The following KIRREL3 variants were observed in gnomAD, a reference collection of about 807,000 sequenced individuals.
KIRREL3 encodes kirre like nephrin family adhesion molecule 3, also known as kin of IRRE-like protein 3.
KIRREL3 carries 36 observed loss-of-function variants against 89.7 expected under a neutral mutation model. That is an observed-to-expected ratio of 0.40 (90% CI 0.31 to 0.53). The LOEUF (loss-of-function observed/expected upper bound fraction) is 0.53. Ranked by LOEUF, KIRREL3 falls within the 20% of genes least tolerant of loss-of-function variation. The pLI, the probability that KIRREL3 is intolerant of heterozygous loss-of-function variation, is 0.49. For missense variants in KIRREL3, 864 were observed against 1,056.6 expected (o/e 0.82, Z 2.53); for synonymous variants, 445 against 441.4 (o/e 1.01, Z -0.10).
intron 1 of KIRREL3, among the ~76,000 whole-genome samples, chr11:126,829,112 G>A (rs907716684): frequency 3.9e-5 from 6 of 152,212 alleles, no homozygotes; most frequent in African/African-American, 1.4e-4. Flanking sequence ...TTTGCATGAA[G>A]GCTGAGGGGA....
At chr11:126,845,762 T>C (rs546324910) in intron 1 of KIRREL3, among the ~76,000 whole-genome samples, 1 of 152,292 alleles carries the variant, frequency 6.6e-6, no homozygotes, top group Admixed American at 6.5e-5. Flanking sequence ...TTTTCCTTTT[T>C]CTGAGCAAAG....
At position 126,503,487 on chromosome 11, in the gene KIRREL3, A is replaced by T. The variant is rs76212707; in HGVS notation, c.433+17828T>A. On this transcript the variant is annotated intron_variant, in intron 4 of 16. Transcript: ENST00000525144. ...AGGCAAGTCTCCAGTGTGGTATAAA[A>T]AACATTTGGGTAGCCCTAGCTTTAC... Among the ~76,000 whole-genome samples the T allele has an allele frequency of 1.4e-3, 208 of 152,266 alleles. 2 individuals carry two copies. Among genetic ancestry groups the T allele is most frequent in the African/African-American group, 4.7e-3 (196 of 41,554 alleles).
chr11:126,746,150 G>T (rs991028567), intron 1 of KIRREL3, among the ~76,000 whole-genome samples: 1 of 152,112 alleles, frequency 6.6e-6, no homozygotes, highest in Non-Finnish European at 1.5e-5. Context: ...TCTTAATTTT[G>T]TCTACATTCC....
chr11:126,547,301 T>C (rs1406090999), intron 2 of KIRREL3, among the ~76,000 whole-genome samples: 2 of 152,260 alleles, frequency 1.3e-5, no homozygotes, highest in African/African-American at 4.8e-5. Flanking sequence ...TGGCTTACCA[T>C]GGCCTTTGGT....
At chr11:126,673,049 C>T (rs1270287354) in intron 1 of KIRREL3, among the ~76,000 whole-genome samples, 5 of 152,184 alleles carry the variant, frequency 3.3e-5, no homozygotes, top group Non-Finnish European at 5.9e-5. Flanking sequence ...CAGAAATGGT[C>T]CCCCAGTGTA....
At chr11:126,586,702 A>G (rs1484462651) in intron 1 of KIRREL3, among the ~76,000 whole-genome samples, 1 of 152,062 alleles carries the variant, frequency 6.6e-6, no homozygotes, top group Non-Finnish European at 1.5e-5. Flanking sequence ...CTGGCCTGTG[A>G]GGACTTGGGT....
At position 126,807,929 on chromosome 11, in the gene KIRREL3, C is replaced by CTGCA. The variant is rs1332871347; in HGVS notation, c.55+192522_55+192525dup. Among the ~76,000 whole-genome samples, 1 of 152,228 alleles carries CTGCA rather than the reference C, an allele frequency of 6.6e-6. No homozygotes were observed. On this transcript the variant is annotated intron_variant, in intron 1 of 16. Transcript: ENST00000525144. The surrounding 1 kb of genome is among the most constrained non-coding windows in gnomAD (Gnocchi z 4.3). ...TGACTAATATGCCCAAGGCCATGGG[C>CTGCA]TGCAACCTTTTTATCTGTATCCCTC...
chr11:126,436,739 C>A, intron 12 of KIRREL3, 72 bp downstream of exon 12: 1 of 1,560,380 alleles, frequency 6.4e-7, no homozygotes, highest in Non-Finnish European at 8.8e-7. Context: ...CCACCCGCGC[C>A]CTGACCTAGG....
In KIRREL3 at chr11:126,686,375, G is replaced by T. The variant is rs961284003; in HGVS notation, c.56-123463C>A. Among the ~76,000 whole-genome samples the T allele has an allele frequency of 6.6e-6, 1 of 152,106 alleles. No homozygotes were observed. The highest frequency in any genetic ancestry group is 2.1e-4 in the South Asian group (1 of 4,822). ...ATTTATGGACCATTCTAGGAACTGTGCTTGGTGATGAGCTGCAGAGACAGA... is the reference window on the plus strand; with the variant it reads ...ATTTATGGACCATTCTAGGAACTGTTCTTGGTGATGAGCTGCAGAGACAGA... On this transcript the variant is annotated intron_variant, in intron 1 of 16. Transcript: ENST00000525144. The surrounding 1 kb of genome is among the most constrained non-coding windows in gnomAD (Gnocchi z 4.7).
rs377203199 is a variant in KIRREL3, at chr11:126,976,119, C to T, written c.55+24336G>A. Among the ~76,000 whole-genome samples, 3 of 151,894 alleles carry T rather than the reference C, an allele frequency of 2.0e-5. No homozygotes were observed. The highest frequency in any genetic ancestry group is 4.4e-5 in the Non-Finnish European group (3 of 67,996). The stretch of plus-strand genomic sequence containing the variant: ...AACACATCGCTTTCTACAGAGGATG[C>T]TGAGAAGCACATTATTTGTCACCAT... On this transcript the variant is annotated intron_variant, in intron 1 of 16. Transcript: ENST00000525144. This position sits in a 1 kb window ranked among gnomAD's most constrained non-coding sequence, Gnocchi z 4.2.
In KIRREL3 at chr11:126,636,814, T is replaced by C. The variant is rs1443461743; in HGVS notation, c.56-73902A>G. ...CGGATGATCTGGACTTGAATTTGTATCCCGGTTTAACCACTTACTCTATAG... is the reference window on the plus strand; with the variant it reads ...CGGATGATCTGGACTTGAATTTGTACCCCGGTTTAACCACTTACTCTATAG... On this transcript the variant is annotated intron_variant, in intron 1 of 16. Transcript: ENST00000525144. This position sits in a 1 kb window ranked among gnomAD's most constrained non-coding sequence, Gnocchi z 4.4. Among the ~76,000 whole-genome samples the C allele has an allele frequency of 2.6e-5, 4 of 152,190 alleles. No homozygotes were observed. The highest frequency in any genetic ancestry group is 9.7e-5 in the African/African-American group (4 of 41,418).
Position 126,682,501 on chromosome 11 carries a change from G to C in KIRREL3, c.56-119589C>G, listed in dbSNP as rs1946503846. On this transcript the variant is annotated intron_variant, in intron 1 of 16. Transcript: ENST00000525144. The surrounding 1 kb of genome is among the most constrained non-coding windows in gnomAD (Gnocchi z 4.8). ...CCAGGCTTTTTTTCACCTCAAATGA[G>C]TGATGACCTCTGAGTGCGGAGCTTT... Among the ~76,000 whole-genome samples, 2 of 152,144 alleles carry C rather than the reference G, an allele frequency of 1.3e-5. No homozygotes were observed. Among genetic ancestry groups the C allele is most frequent in the African/African-American group, 2.4e-5 (1 of 41,442 alleles).
Position 126,594,487 on chromosome 11 carries a change from C to T in KIRREL3, c.56-31575G>A, listed in dbSNP as rs1184656587. On this transcript the variant is annotated intron_variant, in intron 1 of 16. Transcript: ENST00000525144. The surrounding 1 kb of genome is among the most constrained non-coding windows in gnomAD (Gnocchi z 5.0). The stretch of plus-strand genomic sequence containing the variant: ...GAAACTGTCAAATCTCAGCTCCTTC[C>T]ACTTTTTTCGCTGTGTAACTTTAGA... 6.6e-6 allele frequency among the ~76,000 whole-genome samples: 1 copy of T among 152,160 alleles called. No homozygotes were observed. Among genetic ancestry groups the T allele is most frequent in the Non-Finnish European group, 1.5e-5 (1 of 68,036 alleles).
chr11:126,754,159 G>C lies in KIRREL3; in HGVS notation c.56-191247C>G, dbSNP rs143530608. 3.3e-3 allele frequency among the ~76,000 whole-genome samples: 502 copies of C among 152,286 alleles called. 3 individuals carry two copies. The highest frequency in any genetic ancestry group is 5.7e-3 in the Non-Finnish European group (391 of 68,018). ...TTGAAATATCAAATTAAATTAAACT[G>C]TAGAATAATCCCCAAGGGAGAGCAT... On this transcript the variant is annotated intron_variant, in intron 1 of 16. Coordinates refer to ENST00000525144, the MANE Select transcript of KIRREL3 (RefSeq NM_032531.4). This position sits in a 1 kb window ranked among gnomAD's most constrained non-coding sequence, Gnocchi z 5.1.
At chr11:126,921,857 TTCTGTCATCCTATCTA>T (rs1947330943) in intron 1 of KIRREL3, among the ~76,000 whole-genome samples, 1 of 140,636 alleles carries the variant, frequency 7.1e-6, no homozygotes, top group African/African-American at 2.7e-5. Flanking sequence ...TCATCTATCT[TTCTGTCATCCTATCTA>T]TCTATCTATC....
intron 1 of KIRREL3, among the ~76,000 whole-genome samples, chr11:126,580,292 A>G (rs981709310): frequency 6.6e-6 from 1 of 152,202 alleles, no homozygotes; most frequent in Non-Finnish European, 1.5e-5. Flanking sequence ...GAGGACCCAC[A>G]GTTGGGGAGA....
In KIRREL3 at chr11:126,530,789, C is replaced by G. The variant is rs200714296; in HGVS notation, c.134-4102G>C. On this transcript the variant is annotated intron_variant, in intron 2 of 16. Transcript: ENST00000525144. This position sits in a 1 kb window ranked among gnomAD's most constrained non-coding sequence, Gnocchi z 5.8. The stretch of plus-strand genomic sequence containing the variant: ...CTGATGATGTTCCCCTGGTGTGAAG[C>G]CTTGGCGGCCGGTGCAATCTCCCCT... Among the ~76,000 whole-genome samples, 1 of 152,172 alleles carries G rather than the reference C, an allele frequency of 6.6e-6. No individual in the cohort carries two copies. The highest frequency in any genetic ancestry group is 2.1e-4 in the South Asian group (1 of 4,822).
intron 1 of KIRREL3, among the ~76,000 whole-genome samples, chr11:126,845,241 C>T (rs1420495132): frequency 6.6e-6 from 1 of 152,106 alleles, no homozygotes; most frequent in African/African-American, 2.4e-5. Flanking sequence ...GGCTATGGTG[C>T]AGTGAGCTGG....
chr11:126,925,235 C>T (rs1276764572), intron 1 of KIRREL3, among the ~76,000 whole-genome samples: 1 of 152,174 alleles, frequency 6.6e-6, no homozygotes, highest in East Asian at 1.9e-4. Context: ...CTTCCCTTCC[C>T]CAGGCTGTTG....
Sources: allele counts gnomAD v4.1 joint callset (sites outside exome capture counted in the v4.1 genomes callset), GRCh38; gene constraint gnomAD v4.1.1; non-coding constraint Gnocchi (gnomAD v3.1); transcripts MANE v1.5; gene names NCBI Gene and HGNC (gene_info 2026-07-23, HGNC 2026-07-21).